NCOA1: variants seen among roughly 807,000 people sequenced by gnomAD.
NCOA1 encodes Hin-2 protein.
A neutral mutation model predicts 150.9 loss-of-function variants in NCOA1; 35 were observed. The ratio of observed to expected loss-of-function variants is 0.23; its 90% CI spans 0.18 to 0.31. NCOA1 has a LOEUF of 0.31. NCOA1 is among the 10% of genes least tolerant of loss of function. The pLI is 1.00. For synonymous variants in NCOA1, 590 were observed against 630.0 expected, an observed-to-expected ratio of 0.94 and a Z score of 0.95; for missense variants, 1,491 against 1,749.3, an observed-to-expected ratio of 0.85 and a Z score of 2.63.
chr2:24,564,148 A>G (rs1666399860), intron 1 of NCOA1, 147 bp from the exon 2 acceptor site: 1 of 152,240 alleles, frequency 6.6e-6, no homozygotes, highest in African/African-American at 2.4e-5. Flanking sequence ...ACTTGTTAGT[A>G]GTGACAAGAA....
chr2:24,523,705 A>G (rs1226771716), intron 1 of NCOA1, among the ~76,000 whole-genome samples: 1 of 147,788 alleles, frequency 6.8e-6, no homozygotes, highest in Non-Finnish European at 1.5e-5. Flanking sequence ...AGGTGGGCGG[A>G]TCATGAGGTC....
chr2:24,661,867 G>A lies in NCOA1; in HGVS notation c.89+3101G>A, dbSNP rs557509779. 3.3e-5 allele frequency among the ~76,000 whole-genome samples: 5 copies of A among 152,122 alleles called. No homozygotes were observed. In the South Asian group the frequency reaches 1.0e-3, roughly 32 times the overall value. ...GCTGAATCTTCTTATGTGTTTTAATGGTTTATCTGTAGATGCTCTGATGTT... is the reference window on the plus strand; with the variant it reads ...GCTGAATCTTCTTATGTGTTTTAATAGTTTATCTGTAGATGCTCTGATGTT... On this transcript the variant is annotated intron_variant, in intron 5 of 22. Transcript: ENST00000348332.
At chr2:24,676,970 G>A (rs1230780815) in intron 7 of NCOA1, among the ~76,000 whole-genome samples, 4 of 152,186 alleles carry the variant, frequency 2.6e-5, no homozygotes, top group African/African-American at 7.2e-5. Context: ...ATGTGATTAT[G>A]TAAAGAGACT....
At position 24,499,417 on chromosome 2, in the gene NCOA1, G is replaced by A. The variant is rs1663360439; in HGVS notation, c.-396+7815G>A. Among the ~76,000 whole-genome samples the A allele has an allele frequency of 2.0e-5, 3 of 152,128 alleles. No homozygotes were observed. In the South Asian group the frequency reaches 6.2e-4, roughly 32 times the overall value. On this transcript the variant is annotated intron_variant, in intron 1 of 22. Coordinates refer to ENST00000348332, the MANE Select transcript of NCOA1 (RefSeq NM_003743.5). ...ATTGCAATATTCCAACATTCCTCCA[G>A]CATTGTTCTATGGCCCTTTGTTTAT... is the stretch of plus-strand genomic sequence containing the variant.
chr2:24,568,773 A>G (rs1666611787), intron 2 of NCOA1, among the ~76,000 whole-genome samples: 3 of 152,236 alleles, frequency 2.0e-5, no homozygotes, highest in Admixed American at 2.0e-4. Flanking sequence ...TTCTTTATCA[A>G]AGACATACCA....
chr2:24,622,258 C>T (rs1035192904), intron 3 of NCOA1, among the ~76,000 whole-genome samples: 2 of 152,122 alleles, frequency 1.3e-5, no homozygotes, highest in Non-Finnish European at 2.9e-5. Flanking sequence ...CACTGTTTCT[C>T]AACAACAGCA....
At chr2:24,540,998 G>A (rs1665369772) in intron 1 of NCOA1, among the ~76,000 whole-genome samples, 1 of 152,152 alleles carries the variant, frequency 6.6e-6, no homozygotes. Flanking sequence ...GGATGAGAGT[G>A]AAAGATACTA....
chr2:24,685,072 T>C, intron 8 of NCOA1, among the ~76,000 whole-genome samples: 1 of 152,020 alleles, frequency 6.6e-6, no homozygotes, highest in East Asian at 1.9e-4. Flanking sequence ...GAAAGAAATT[T>C]GAAGAAAAAT....
At chr2:24,721,180 G>A (rs1674340749) in intron 14 of NCOA1, among the ~76,000 whole-genome samples, 2 of 152,006 alleles carry the variant, frequency 1.3e-5, no homozygotes, top group South Asian at 4.1e-4. Context: ...TTTCATCATA[G>A]CTATAATTTT....
intron 3 of NCOA1, among the ~76,000 whole-genome samples, chr2:24,643,513 A>G (rs1335551065): frequency 6.6e-6 from 1 of 152,196 alleles, no homozygotes; most frequent in Admixed American, 6.5e-5. Context: ...CATCTTTTTG[A>G]AGTTTTACAA....
intron 1 of NCOA1, among the ~76,000 whole-genome samples, chr2:24,559,494 CTGT>C (rs1488658739): frequency 1.3e-5 from 2 of 152,138 alleles, no homozygotes; most frequent in Non-Finnish European, 2.9e-5. Flanking sequence ...CAGTGATAGC[CTGT>C]TGTTTGTTAT....
At chr2:24,573,047 T>C (rs953060599) in intron 2 of NCOA1, among the ~76,000 whole-genome samples, 1 of 152,156 alleles carries the variant, frequency 6.6e-6, no homozygotes, top group Admixed American at 6.5e-5. Context: ...AGAGGAAGCA[T>C]AGTTGAGAGG....
rs1402513186 is a variant in NCOA1, at chr2:24,491,618, C to T, written c.-396+16C>T. Among the ~76,000 whole-genome samples, 6 of 123,000 alleles carry T rather than the reference C, an allele frequency of 4.9e-5. No homozygotes were observed. Among genetic ancestry groups the T allele is most frequent in the South Asian group, 5.1e-4 (2 of 3,906 alleles). 80.7% of individuals were successfully genotyped at this position (123,000 alleles called of 152,430 possible). A position where few individuals can be genotyped will look rare whatever the true frequency, so the allele number is the denominator to read the frequency against. On this transcript the variant is annotated intron_variant, in intron 1 of 22. Transcript: ENST00000348332. ...GCGGCGGCAGGTGAGTGGCGGGCTG[C>T]GGGTGCGGAGCCTCCCGGTGGGTGC...
chr2:24,516,948 A>ATGTG (rs1664204816), intron 1 of NCOA1, among the ~76,000 whole-genome samples: 2 of 119,988 alleles, frequency 1.7e-5, no homozygotes, highest in Admixed American at 8.5e-5. Context: ...ATATACGTAT[A>ATGTG]TATACAAGTA....
At chr2:24,683,595 G>A (rs534707667) in intron 8 of NCOA1, among the ~76,000 whole-genome samples, 1 of 152,324 alleles carries the variant, frequency 6.6e-6, no homozygotes, top group South Asian at 2.1e-4. Context: ...CTAGCTGAGA[G>A]GATGGATGGA....
chr2:24,739,378 C>T (rs1385667754), intron 17 of NCOA1, 54 bp from the exon 18 acceptor site: 3 of 1,242,578 alleles, frequency 2.4e-6, no homozygotes, highest in Non-Finnish European at 3.6e-6. Context: ...CTTTATAAGG[C>T]CCGTGTTATG....
At chr2:24,491,818 G>A (rs1662973450) in intron 1 of NCOA1, 1 of 151,726 alleles carries the variant, frequency 6.6e-6, no homozygotes, top group Admixed American at 6.6e-5. Flanking sequence ...GCACCAGCTG[G>A]GGGCTGCTCC....
At chr2:24,593,896 A>G (rs924046380) in intron 3 of NCOA1, among the ~76,000 whole-genome samples, 3 of 152,200 alleles carry the variant, frequency 2.0e-5, no homozygotes, top group African/African-American at 7.2e-5. Flanking sequence ...CATTAAATCT[A>G]GATTCTTCTA....
rs578135470 is a variant in NCOA1 at position 24,768,204 on chromosome 2, T to C, written c.4156-17T>C. The C allele has an allele frequency of 5.6e-6, 9 of 1,611,632 alleles. No individual in the cohort carries two copies. The Admixed American group carries it at 6.7e-5, about 12-fold the overall frequency. On this transcript the variant is annotated splice_polypyrimidine_tract_variant and intron_variant, in intron 22 of 22. Transcript: ENST00000348332. ...GCAGACCCTTCTGTCTAAACACATC[T>C]TTTATTTGTGTTCCAGCAGGTGCAA...
Sources: allele counts gnomAD v4.1 joint callset (sites outside exome capture counted in the v4.1 genomes callset), GRCh38; gene constraint gnomAD v4.1.1; transcripts MANE v1.5; gene names NCBI Gene and HGNC (gene_info 2026-07-23, HGNC 2026-07-21).